Variants in CDH9 observed in about 807,000 individuals in gnomAD.
CDH9 encodes cadherin-9.
CDH9 carries 28 observed loss-of-function variants against 70.9 expected under a neutral mutation model. That is an observed-to-expected ratio of 0.40 (90% CI 0.29 to 0.54). The LOEUF (loss-of-function observed/expected upper bound fraction) is 0.54, where lower values mean the gene tolerates loss of function less well. CDH9 is among the 20% of genes least tolerant of loss of function. The pLI is 0.59. For synonymous variants in CDH9, 409 were observed against 343.1 expected (o/e 1.19, Z -2.12); for missense variants, 874 against 984.4 (o/e 0.89, Z 1.50).
chr5:27,003,766 C>A (rs1279074678), intron 1 of CDH9, among the ~76,000 whole-genome samples: 1 of 151,868 alleles, frequency 6.6e-6, no homozygotes, highest in Non-Finnish European at 1.5e-5. Context: ...AAGAAGACAT[C>A]ACTGCTAAAT....
intron 1 of CDH9, among the ~76,000 whole-genome samples, chr5:27,033,715 T>C (rs910618027): frequency 6.6e-6 from 1 of 151,604 alleles, no homozygotes; most frequent in African/African-American, 2.4e-5. Flanking sequence ...TGGGAATATT[T>C]TTAAACATAT....
At chr5:26,952,921 A>AAAAC (rs1554000078) in intron 2 of CDH9, among the ~76,000 whole-genome samples, 1 of 129,302 alleles carries the variant, frequency 7.7e-6, no homozygotes, top group African/African-American at 2.9e-5. Context: ...AAAAAAAAAA[A>AAAAC]AGTTTAAAGA....
intron 2 of CDH9, among the ~76,000 whole-genome samples, chr5:26,944,827 G>A (rs577024468): frequency 4.6e-5 from 7 of 151,582 alleles, no homozygotes; most frequent in Admixed American, 2.0e-4. Flanking sequence ...TTCCAACACC[G>A]ACAGGAAGCT....
In CDH9 at chr5:26,906,657, A is replaced by G. The variant is rs969185001; in HGVS notation, c.643+62T>C. The G allele has an allele frequency of 6.5e-6, 10 of 1,547,398 alleles. No homozygotes were observed. In the Admixed American group the frequency reaches 1.6e-4, roughly 25 times the overall value. On this transcript the variant is annotated intron_variant, in intron 4 of 11. Coordinates refer to ENST00000231021, the MANE Select transcript of CDH9 (RefSeq NM_016279.4). ...GTTTTAAAATATTTTAAAAATCTCT[A>G]AATTAATTATGCATCTTAATGTATT...
At chr5:26,950,712 G>A (rs762934467) in intron 2 of CDH9, among the ~76,000 whole-genome samples, 1 of 152,074 alleles carries the variant, frequency 6.6e-6, no homozygotes, top group Non-Finnish European at 1.5e-5. Context: ...GTAGGTAGGG[G>A]AATAAAGATA....
intron 1 of CDH9, among the ~76,000 whole-genome samples, chr5:27,022,776 A>T (rs1743161168): frequency 6.6e-6 from 1 of 152,098 alleles, no homozygotes; most frequent in Admixed American, 6.6e-5. Flanking sequence ...GGGAAAATTT[A>T]GGCAATATGG....
intron 1 of CDH9, among the ~76,000 whole-genome samples, chr5:27,003,277 T>C (rs568162443): frequency 6.6e-6 from 1 of 152,254 alleles, no homozygotes; most frequent in East Asian, 1.9e-4. Context: ...AATAAACAAC[T>C]GAACCAATAG....
intron 2 of CDH9, among the ~76,000 whole-genome samples, chr5:26,966,846 G>T (rs1317608917): frequency 6.6e-6 from 1 of 152,104 alleles, no homozygotes; most frequent in African/African-American, 2.4e-5. Context: ...TCAGTGGTCA[G>T]TCTATCTTCT....
At chr5:27,033,996 T>C (rs1743351180) in intron 1 of CDH9, among the ~76,000 whole-genome samples, 1 of 151,672 alleles carries the variant, frequency 6.6e-6, no homozygotes, top group Admixed American at 6.6e-5. Context: ...CTTTATTTTT[T>C]TATATGACTT....
chr5:26,915,300 C>T (rs1056871405), intron 3 of CDH9, among the ~76,000 whole-genome samples: 2 of 152,032 alleles, frequency 1.3e-5, no homozygotes, highest in Admixed American at 6.6e-5. Flanking sequence ...TTGTCCAAAA[C>T]TGCTGATACT....
At chr5:26,886,553 T>C (rs1405050722) in intron 9 of CDH9, among the ~76,000 whole-genome samples, 2 of 151,956 alleles carry the variant, frequency 1.3e-5, no homozygotes, top group Non-Finnish European at 2.9e-5. Flanking sequence ...ATTATTAATA[T>C]ATTTTTAAAA....
At chr5:26,980,569 C>T (rs1247987068) in intron 2 of CDH9, among the ~76,000 whole-genome samples, 1 of 151,910 alleles carries the variant, frequency 6.6e-6, no homozygotes, top group African/African-American at 2.4e-5. Flanking sequence ...ATTTATAATG[C>T]AGAAATTATA....
intron 2 of CDH9, among the ~76,000 whole-genome samples, chr5:26,918,793 C>T (rs1741192818): frequency 1.3e-5 from 2 of 152,200 alleles, no homozygotes; most frequent in Non-Finnish European, 1.5e-5. Context: ...TATTCTCTAG[C>T]ATCTCAGTAT....
chr5:26,988,304 G>A lies in CDH9; in HGVS notation c.30C>T (p.Phe10=), dbSNP rs933840296. Residue 10 remains phenylalanine (F), a synonymous_variant, in exon 2 of 12, where the codon TTC becomes TTT. Coordinates refer to ENST00000231021, the MANE Select transcript of CDH9 (RefSeq NM_016279.4). MRTYHYIPL[F]IWTYMFHTVD... The stretch of plus-strand genomic sequence containing the variant: ...CTGTATGGAACATATAGGTCCAGAT[G>A]AATAATGGTATATAATGGTAAGTCC... 8.7e-6 allele frequency: 14 copies of A among 1,612,970 alleles called. No homozygotes were observed. The highest frequency in any genetic ancestry group is 4.2e-6 in the Non-Finnish European group (5 of 1,179,364).
At position 26,881,144 on chromosome 5, in the gene CDH9, G is replaced by C. The variant is rs1490430616; in HGVS notation, c.2362C>G (p.Arg788Gly). The change falls in exon 12 of 12, where the codon CGA (arginine) becomes GGA (glycine). Residue 788 changes from arginine to glycine, a missense_variant. Transcript: ENST00000231021. ...ADMYGGDDSDRD is the reference protein window; with the variant it reads ...ADMYGGDDSDGD ...TAAGTCAAACAATCCTCTTAGTCTC[G>C]GTCACTATCATCACCCCCATACATA... The C allele has an allele frequency of 6.2e-7, 1 of 1,603,966 alleles. No homozygotes were observed.
At chr5:26,890,209 T>C (rs889868893) in intron 8 of CDH9, among the ~76,000 whole-genome samples, 1 of 152,210 alleles carries the variant, frequency 6.6e-6, no homozygotes, top group Non-Finnish European at 1.5e-5. Context: ...TTAAATTATA[T>C]TTCTCTCCTA....
At chr5:26,986,058 C>T (rs1177000466) in intron 2 of CDH9, among the ~76,000 whole-genome samples, 8 of 116,524 alleles carry the variant, frequency 6.9e-5, no homozygotes, top group South Asian at 2.2e-4. Flanking sequence ...TTAGATAAGT[C>T]CCTATTAAAA....
intron 2 of CDH9, among the ~76,000 whole-genome samples, chr5:26,940,632 A>G (rs1741644629): frequency 6.6e-6 from 1 of 152,158 alleles, no homozygotes; most frequent in African/African-American, 2.4e-5. Context: ...TCCAGGAATT[A>G]TTGCTTTTTT....
chr5:26,918,433 A>T (rs965724130), intron 2 of CDH9, among the ~76,000 whole-genome samples: 1 of 152,248 alleles, frequency 6.6e-6, no homozygotes, highest in Non-Finnish European at 1.5e-5. Context: ...TGTAAAATAC[A>T]TAAGGGAAAG....
Sources: allele counts gnomAD v4.1 joint callset (sites outside exome capture counted in the v4.1 genomes callset), GRCh38; gene constraint gnomAD v4.1.1; transcripts MANE v1.5; gene names NCBI Gene and HGNC (gene_info 2026-07-23, HGNC 2026-07-21).